The following ZNF468 variants were observed in gnomAD, a reference collection of about 807,000 sequenced individuals.
ZNF468 encodes the protein zinc finger protein ZNF468.
In ZNF468, 8 loss-of-function variants were observed where a neutral mutation model predicts 7.2. The observed-to-expected ratio is 1.11, with a 90% CI of 0.65 to 2.01. ZNF468 has a LOEUF of 2.01. Among genes scored for constraint, ZNF468 ranks in the 30% most tolerant of loss-of-function variants. The pLI is 0.00. For synonymous variants in ZNF468, 218 were observed against 214.4 expected, an observed-to-expected ratio of 1.02 and a Z score of -0.15; for missense variants, 608 against 626.5, an observed-to-expected ratio of 0.97 and a Z score of 0.31.
In ZNF468 at chr19:52,841,885, T is replaced by C. The variant is rs2147726144; in HGVS notation, c.409A>G (p.Lys137Glu). Residue 137 changes from lysine to glutamate, a missense_variant, in exon 4 of 4, where the codon AAA (lysine) becomes GAA (glutamate). Transcript: ENST00000595646. The part of the protein sequence containing the change: ...DQRHAGNKRI[K>E]DQLGSSFHLH... ...TGAAAGCTTGATCCAAGCTGATCTTTAATACGCTTGTTTCCAGCATGCCTT... is the reference window on the plus strand; with the variant it reads ...TGAAAGCTTGATCCAAGCTGATCTTCAATACGCTTGTTTCCAGCATGCCTT... The C allele has an allele frequency of 6.2e-7, 1 of 1,614,112 alleles. No individual in the cohort carries two copies. Among genetic ancestry groups the C allele is most frequent in the East Asian group, 2.2e-5 (1 of 44,866 alleles).
rs1046322792 is a variant in ZNF468 at position 52,838,240 on chromosome 19, T to A, written c.*2485A>T. On this transcript the variant is annotated 3_prime_UTR_variant, in exon 4 of 4. Transcript: ENST00000595646. ...AATGTGATATACCACTTGAACACAA[T>A]GAAAGATGAAAACCACATCATCTCA... is the stretch of plus-strand genomic sequence containing the variant. 4.6e-5 allele frequency: 7 copies of A among 152,120 alleles called. No individual in the cohort carries two copies. The highest frequency in any genetic ancestry group is 1.4e-4 in the African/African-American group (6 of 41,410). 9.4% of individuals were successfully genotyped at this position (152,120 alleles called of 1,614,324 possible). A position where few individuals can be genotyped will look rare whatever the true frequency, so the allele number is the denominator to read the frequency against.
At position 52,841,319 on chromosome 19, in the gene ZNF468, T is replaced by C. The variant is rs750301099; in HGVS notation, c.975A>G (p.Lys325=). 11 of 1,613,984 alleles carry C rather than the reference T, an allele frequency of 6.8e-6. No homozygotes were observed. The highest frequency in any genetic ancestry group is 4.5e-5 in the East Asian group (2 of 44,858). The change falls in exon 4 of 4, where the codon AAA becomes AAG. Residue 325 remains lysine (K), a synonymous_variant. Coordinates refer to ENST00000595646, the MANE Select transcript of ZNF468 (RefSeq NM_001008801.2). ...ERHKRIHTGE[K]PYKCKVCDEA... ...CATCACAAACCTTACATTTGTATGGTTTCTCTCCAGTATGAATCCTCTTAT... is the reference window on the plus strand; with the variant it reads ...CATCACAAACCTTACATTTGTATGGCTTCTCTCCAGTATGAATCCTCTTAT...
intron 3 of ZNF468, among the ~76,000 whole-genome samples, chr19:52,845,520 A>G (rs112096962): frequency 0.087 from 13,139 of 151,860 alleles, 581 homozygotes; most frequent in South Asian, 0.099. Context: ...TTAGCTGGGT[A>G]TAGTGGTGCA....
chr19:52,853,976 T>C, intron 2 of ZNF468: 4 of 1,459,962 alleles, frequency 2.7e-6, no homozygotes, highest in Non-Finnish European at 3.6e-6. Flanking sequence ...GAACAATCCC[T>C]GCTGCCCAAG....
At position 52,841,650 on chromosome 19, in the gene ZNF468, A is replaced by G. The variant is rs1427865552; in HGVS notation, c.644T>C (p.Phe215Ser). 5 of 1,613,984 alleles carry G rather than the reference A, an allele frequency of 3.1e-6. No homozygotes were observed. The highest frequency in any genetic ancestry group is 4.5e-5 in the East Asian group (2 of 44,868). Reference sequence around the variant, plus strand: ...GGATTTGAAGCTCTGTATACATTCAAAAGATTTTTCTCTCATGTGTACTTC... The same window carrying G: ...GGATTTGAAGCTCTGTATACATTCAGAAGATTTTTCTCTCATGTGTACTTC... ...KWEVHMREKS[F>S]ECIQSFKSFN... Residue 215 changes from phenylalanine to serine, a missense_variant, in exon 4 of 4, where the codon TTT (phenylalanine) becomes TCT (serine). By Grantham distance (155) the Phe-to-Ser change is radical. Transcript: ENST00000595646.
In ZNF468 at chr19:52,840,540, G is replaced by A; in HGVS notation, c.*185C>T. 1.6e-6 allele frequency: 2 copies of A among 1,223,866 alleles called. No individual in the cohort carries two copies. The highest frequency in any genetic ancestry group is 3.9e-5 in the Admixed American group (2 of 50,818). The allele number at this position is 1,223,866 out of a possible 1,614,324, so 75.8% of individuals were successfully genotyped here. A position where few individuals can be genotyped will look rare whatever the true frequency, so the allele number is the denominator to read the frequency against. ...GTTTGATTTACAACTGAAAACTTTT[G>A]TCACATTCCTCCCATTTGTAAGGTT... On this transcript the variant is annotated 3_prime_UTR_variant, in exon 4 of 4. Coordinates refer to ENST00000595646, the MANE Select transcript of ZNF468 (RefSeq NM_001008801.2).
Position 52,838,349 on chromosome 19 carries a change from A to G in ZNF468, c.*2376T>C, listed in dbSNP as rs1209945341. 1 of 152,212 alleles carries G rather than the reference A, an allele frequency of 6.6e-6. No individual in the cohort carries two copies. Among genetic ancestry groups the G allele is most frequent in the African/African-American group, 2.4e-5 (1 of 41,438 alleles). 9.4% of individuals were successfully genotyped at this position (152,212 alleles called of 1,614,324 possible). On this transcript the variant is annotated 3_prime_UTR_variant, in exon 4 of 4. Coordinates refer to ENST00000595646, the MANE Select transcript of ZNF468 (RefSeq NM_001008801.2). ...ACAAAATAGATACAGAAGAAAATTT[A>G]CCTCAGCAATACAAAGACCATCCAT... is the stretch of plus-strand genomic sequence containing the variant.
At position 52,840,283 on chromosome 19, in the gene ZNF468, G is replaced by T; in HGVS notation, c.*442C>A. 2.5e-6 allele frequency: 1 copy of T among 405,622 alleles called. No individual in the cohort carries two copies. The highest frequency in any genetic ancestry group is 4.8e-6 in the Non-Finnish European group (1 of 206,336). 25.1% of individuals were successfully genotyped at this position (405,622 alleles called of 1,614,324 possible). ...TTAAAAACCATGTCACATTCATTGTGCTTGTAAGGTTTCTCTCCACTATGA... is the reference window on the plus strand; with the variant it reads ...TTAAAAACCATGTCACATTCATTGTTCTTGTAAGGTTTCTCTCCACTATGA... On this transcript the variant is annotated 3_prime_UTR_variant, in exon 4 of 4. Coordinates refer to ENST00000595646, the MANE Select transcript of ZNF468 (RefSeq NM_001008801.2).
intron 2 of ZNF468, among the ~76,000 whole-genome samples, chr19:52,851,194 G>C (rs945419880): frequency 6.6e-6 from 1 of 151,184 alleles, no homozygotes; most frequent in African/African-American, 2.4e-5. Flanking sequence ...GAGAATCACT[G>C]GAACTTGGGA....
intron 2 of ZNF468, among the ~76,000 whole-genome samples, chr19:52,850,701 C>T (rs374611496): frequency 3.3e-5 from 5 of 151,748 alleles, no homozygotes; most frequent in Non-Finnish European, 7.4e-5. Context: ...AGATCGAGAC[C>T]ATCCTGGCTA....
chr19:52,856,691 A>C, intron 1 of ZNF468, among the ~76,000 whole-genome samples: 1 of 132,728 alleles, frequency 7.5e-6, no homozygotes, highest in African/African-American at 2.8e-5. Context: ...CCCTCTCCCT[A>C]CCTTGCTGTC....
At position 52,841,236 on chromosome 19, in the gene ZNF468, T is replaced by A; in HGVS notation, c.1058A>T (p.Lys353Ile). Reference protein sequence around the residue: ...AKHTILHTGEKPYTCNECGKV... With the variant: ...AKHTILHTGEIPYTCNECGKV... The stretch of plus-strand genomic sequence containing the variant: ...GCCACATTCATTACATGTGTAAGGT[T>A]TCTCTCCAGTGTGAAGTATAGTATG... The change falls in exon 4 of 4, where the codon AAA becomes ATA. Residue 353 changes from lysine (K) to isoleucine (I), a missense_variant. Lys to Ile is a moderately radical substitution (Grantham distance 102). Coordinates refer to ENST00000595646, the MANE Select transcript of ZNF468 (RefSeq NM_001008801.2). The A allele has an allele frequency of 1.2e-6, 2 of 1,613,962 alleles. No homozygotes were observed. Among genetic ancestry groups the A allele is most frequent in the Non-Finnish European group, 1.7e-6 (2 of 1,179,988 alleles).
At chr19:52,851,228 A>G (rs2063387383) in intron 2 of ZNF468, among the ~76,000 whole-genome samples, 1 of 152,092 alleles carries the variant, frequency 6.6e-6, no homozygotes, top group Non-Finnish European at 1.5e-5. Context: ...GTGATCTGAG[A>G]TCGTGCCACT....
chr19:52,857,430 C>T (rs2063450409), intron 1 of ZNF468, 142 bp downstream of exon 1: 1 of 152,348 alleles, frequency 6.6e-6, no homozygotes, highest in Non-Finnish European at 1.5e-5. Flanking sequence ...GGCTTCCGGA[C>T]TCCCAGTAGA....
rs2063264132 is a variant in ZNF468, at chr19:52,838,082, AT to A, written c.*2642del. The A allele has an allele frequency of 6.6e-6, 1 of 152,062 alleles. No individual in the cohort carries two copies. Among genetic ancestry groups the A allele is most frequent in the African/African-American group, 2.4e-5 (1 of 41,398 alleles). 9.4% of individuals were successfully genotyped at this position (152,062 alleles called of 1,614,324 possible). A position where few individuals can be genotyped will look rare whatever the true frequency, so the allele number is the denominator to read the frequency against. On this transcript the variant is annotated 3_prime_UTR_variant, in exon 4 of 4. Transcript: ENST00000595646. The stretch of plus-strand genomic sequence containing the variant: ...CATGTGCAATTTTCACATAATATGT[AT>A]TTTTTTCATGAACTTCTTGAAGACC...
chr19:52,846,031 A>G (rs1286474771), intron 3 of ZNF468, among the ~76,000 whole-genome samples: 1 of 152,106 alleles, frequency 6.6e-6, no homozygotes, highest in Non-Finnish European at 1.5e-5. Flanking sequence ...TTAATTAATA[A>G]AAGGACAGAT....
chr19:52,851,893 T>A (rs181757383), intron 2 of ZNF468, among the ~76,000 whole-genome samples: 17 of 152,240 alleles, frequency 1.1e-4, no homozygotes, highest in Admixed American at 8.5e-4. Context: ...TTTCAAAATA[T>A]ATGTGTTTGT....
Position 52,844,550 on chromosome 19 carries a change from C to T in ZNF468, c.143-2399G>A, listed in dbSNP as rs144771104. Reference sequence around the variant, plus strand: ...GATTCTCCTACCTCAAGTGATTCTCCCTCCTCAGCCCAGGGTCTCACTCTG... The same window carrying T: ...GATTCTCCTACCTCAAGTGATTCTCTCTCCTCAGCCCAGGGTCTCACTCTG... On this transcript the variant is annotated intron_variant, in intron 3 of 3. Transcript: ENST00000595646. Among the ~76,000 whole-genome samples, 207 of 152,106 alleles carry T rather than the reference C, an allele frequency of 1.4e-3. 2 individuals carry two copies. In the Middle Eastern group the frequency reaches 0.027, roughly 20 times the overall value.
rs149580791 is a variant in ZNF468, at chr19:52,841,651, A to C, written c.643T>G (p.Phe215Val). ...GATTTGAAGCTCTGTATACATTCAA[A>C]AGATTTTTCTCTCATGTGTACTTCC... ...KWEVHMREKS[F>V]ECIQSFKSFN... Residue 215 changes from phenylalanine (F) to valine (V), a missense_variant, in exon 4 of 4, where the codon TTT becomes GTT. Transcript: ENST00000595646. The C allele has an allele frequency of 1.3e-5, 21 of 1,613,988 alleles. 1 individual carries two copies. The South Asian group carries it at 2.3e-4, about 18-fold the overall frequency.
Sources: gnomAD v4.1 joint callset for allele counts (sites outside exome capture counted in the v4.1 genomes callset) on GRCh38, gnomAD v4.1.1 for gene constraint, MANE v1.5 for transcripts, NCBI Gene and HGNC (gene_info 2026-07-23, HGNC 2026-07-21) for gene names.